Variants in CRIM1 observed in about 807,000 individuals in gnomAD.
CRIM1 encodes the protein cysteine rich transmembrane BMP regulator 1.
In CRIM1, 32 loss-of-function variants were observed where a neutral mutation model predicts 116.4. The observed-to-expected ratio is 0.27, with a 90% CI of 0.21 to 0.37. The LOEUF (loss-of-function observed/expected upper bound fraction) is 0.37, where lower values mean the gene tolerates loss of function less well. CRIM1 is among the 10% of genes least tolerant of loss of function. CRIM1 has a pLI of 1.00. For synonymous variants in CRIM1, 590 were observed against 509.2 expected (o/e 1.16, Z -2.13); for missense variants, 1,331 against 1,354.8 (o/e 0.98, Z 0.28).
At chr2:36,474,550 T>C (rs1678805939) in intron 5 of CRIM1, among the ~76,000 whole-genome samples, 1 of 152,182 alleles carries the variant, frequency 6.6e-6, no homozygotes, top group African/African-American at 2.4e-5. Context: ...TGCATGTAGA[T>C]AATGCAAAAG....
intron 1 of CRIM1, among the ~76,000 whole-genome samples, chr2:36,357,346 A>G (rs796456246): frequency 6.6e-6 from 1 of 152,128 alleles, no homozygotes; most frequent in African/African-American, 2.4e-5. Context: ...CTGCTTTTTA[A>G]TATCAGATAC....
intron 2 of CRIM1, among the ~76,000 whole-genome samples, chr2:36,402,695 C>T (rs1672507914): frequency 6.7e-6 from 1 of 150,080 alleles, no homozygotes; most frequent in Non-Finnish European, 1.5e-5. Flanking sequence ...GGACTCGTAC[C>T]TGAGAGCTGG....
chr2:36,524,608 C>T (rs538109085), intron 13 of CRIM1, among the ~76,000 whole-genome samples: 1 of 152,002 alleles, frequency 6.6e-6, no homozygotes, highest in South Asian at 2.1e-4. Context: ...GCAGATCTCT[C>T]GTGTGTTGAA....
rs756592810 is a variant in CRIM1, at chr2:36,476,916, A to G, written c.1019A>G (p.Asn340Ser). 5 of 1,613,706 alleles carry G rather than the reference A, an allele frequency of 3.1e-6. No individual in the cohort carries two copies. The highest frequency in any genetic ancestry group is 1.7e-5 in the Admixed American group (1 of 59,940). ...ACAAAGCCAGCCTGCGTATTTAACA[A>G]TGTGGAATATTATGATGGAGACATG... ...NDTKPACVFN[N>S]VEYYDGDMFR... is the part of the protein sequence containing the mutation. The change falls in exon 6 of 17, where the codon AAT becomes AGT. Residue 340 changes from asparagine to serine, a missense_variant. By Grantham distance (46) the Asn-to-Ser change is conservative. Transcript: ENST00000280527.
At chr2:36,458,895 C>T (rs1677359193) in intron 4 of CRIM1, among the ~76,000 whole-genome samples, 1 of 152,166 alleles carries the variant, frequency 6.6e-6, no homozygotes, top group Non-Finnish European at 1.5e-5. Flanking sequence ...CTAGCAGTCA[C>T]ACATTTTTCT....
chr2:36,480,824 T>C (rs1210463454), intron 7 of CRIM1, among the ~76,000 whole-genome samples: 1 of 152,192 alleles, frequency 6.6e-6, no homozygotes, highest in Non-Finnish European at 1.5e-5. Context: ...ATGACCAGTT[T>C]TGTGGAAGTC....
At chr2:36,531,274 A>G (rs1666097551) in intron 13 of CRIM1, among the ~76,000 whole-genome samples, 2 of 152,250 alleles carry the variant, frequency 1.3e-5, no homozygotes, top group Non-Finnish European at 2.9e-5. Flanking sequence ...CTATGTAAGA[A>G]GTTGCCTCCT....
At chr2:36,432,800 T>A (rs848499) in intron 2 of CRIM1, among the ~76,000 whole-genome samples, 117,912 of 150,614 alleles carry the variant, frequency 0.78, 46,592 homozygotes, top group East Asian at 0.99. Context: ...TAAAAAAAAA[T>A]ATATACCGAT....
In CRIM1 at chr2:36,480,981, G is replaced by C. The variant is rs758668208; in HGVS notation, c.1372+1287G>C. On this transcript the variant is annotated intron_variant, in intron 7 of 16. Coordinates refer to ENST00000280527, the MANE Select transcript of CRIM1 (RefSeq NM_016441.3). ...GCCTTACTGAAGCAGATGAAGATAA[G>C]AATGTCAGTCCCTAAGAATTAGGGA... Among the ~76,000 whole-genome samples the C allele has an allele frequency of 2.0e-5, 3 of 152,210 alleles. No individual in the cohort carries two copies. In the South Asian group the frequency reaches 6.2e-4, roughly 32 times the overall value.
At chr2:36,386,894 G>T (rs920178678) in intron 1 of CRIM1, among the ~76,000 whole-genome samples, 1 of 152,108 alleles carries the variant, frequency 6.6e-6, no homozygotes, top group East Asian at 1.9e-4. Context: ...AGCTTTCTAG[G>T]CAGAGAGAAC....
At position 36,539,978 on chromosome 2, in the gene CRIM1, A is replaced by C. The variant is rs978555496; in HGVS notation, c.2623+2432A>C. ...ACCGAAGGGTAAGAATAAATAGAAA[A>C]GAAAAGAGAGCGCAGGACCGAGCCC... On this transcript the variant is annotated intron_variant, in intron 14 of 16. Transcript: ENST00000280527. Among the ~76,000 whole-genome samples, 10 of 152,094 alleles carry C rather than the reference A, an allele frequency of 6.6e-5. No homozygotes were observed. In the South Asian group the frequency reaches 1.2e-3, roughly 19 times the overall value.
chr2:36,397,778 T>C (rs1672131588), intron 2 of CRIM1, among the ~76,000 whole-genome samples: 1 of 152,160 alleles, frequency 6.6e-6, no homozygotes, highest in South Asian at 2.1e-4. Flanking sequence ...ACATTTCTCT[T>C]TGTATTTACC....
At chr2:36,411,753 T>C (rs1035786715) in intron 2 of CRIM1, among the ~76,000 whole-genome samples, 1 of 152,168 alleles carries the variant, frequency 6.6e-6, no homozygotes, top group Non-Finnish European at 1.5e-5. Flanking sequence ...GTTAAGTGTT[T>C]CCTGAGAATT....
chr2:36,469,522 A>T (rs1236371355), intron 5 of CRIM1, among the ~76,000 whole-genome samples: 1 of 152,204 alleles, frequency 6.6e-6, no homozygotes, highest in Non-Finnish European at 1.5e-5. Context: ...GTTGGCCCTG[A>T]CAGAATTTTC....
At chr2:36,378,061 G>T (rs1383874063) in intron 1 of CRIM1, among the ~76,000 whole-genome samples, 1 of 152,170 alleles carries the variant, frequency 6.6e-6, no homozygotes, top group African/African-American at 2.4e-5. Context: ...ATGTGCAGTG[G>T]AGATATTAAC....
chr2:36,480,604 T>G (rs957957241), intron 7 of CRIM1, among the ~76,000 whole-genome samples: 1 of 152,332 alleles, frequency 6.6e-6, no homozygotes, highest in Admixed American at 6.5e-5. Flanking sequence ...CGAAGAAATC[T>G]TGTGCTTCCA....
intron 7 of CRIM1, among the ~76,000 whole-genome samples, chr2:36,494,315 C>G (rs1211028246): frequency 1.3e-5 from 2 of 151,996 alleles, no homozygotes; most frequent in Non-Finnish European, 2.9e-5. Context: ...CTGAAGCTCT[C>G]TAATTTGTAA....
chr2:36,482,294 T>C (rs910191766), intron 7 of CRIM1, among the ~76,000 whole-genome samples: 1 of 152,164 alleles, frequency 6.6e-6, no homozygotes, highest in Non-Finnish European at 1.5e-5. Flanking sequence ...TACTCTCCAA[T>C]AATGCTTTCA....
chr2:36,373,270 T>C (rs981703991), intron 1 of CRIM1, among the ~76,000 whole-genome samples: 4 of 152,158 alleles, frequency 2.6e-5, no homozygotes, highest in East Asian at 1.9e-4. Context: ...AGGCAGAGGA[T>C]TGGGAAACAC....
Sources: gnomAD v4.1 joint callset for allele counts (sites outside exome capture counted in the v4.1 genomes callset) on GRCh38, gnomAD v4.1.1 for gene constraint, MANE v1.5 for transcripts, NCBI Gene and HGNC (gene_info 2026-07-23, HGNC 2026-07-21) for gene names.